The following DPYD variants were observed in gnomAD, a reference collection of about 807,000 sequenced individuals.
DPYD encodes the protein dihydropyrimidine dehydrogenase.
DPYD carries 109 observed loss-of-function variants against 116.2 expected under a neutral mutation model. The observed-to-expected ratio is 0.94, with a 90% CI of 0.80 to 1.10. The LOEUF (loss-of-function observed/expected upper bound fraction) is 1.10. Among genes scored for constraint, DPYD ranks in the 50% least tolerant of loss-of-function variants. The probability of loss-of-function intolerance (pLI) is 0.00; values close to 1 mark genes in which losing one functional copy is unlikely to be tolerated. For missense variants in DPYD, 1,302 were observed against 1,254.5 expected, an observed-to-expected ratio of 1.04 and a Z score of -0.57; for synonymous variants, 440 against 432.0, an observed-to-expected ratio of 1.02 and a Z score of -0.23.
chr1:97,908,318 T>C (rs961506520), intron 1 of DPYD, among the ~76,000 whole-genome samples: 24 of 151,984 alleles, frequency 1.6e-4, no homozygotes, highest in African/African-American at 5.1e-4. Flanking sequence ...AGTGCTGGGA[T>C]TACAGGCGTA....
rs1661819483 is a variant in DPYD at position 97,704,750 on chromosome 1, CCT to C, written c.484-5205_484-5204del. On this transcript the variant is annotated intron_variant, in intron 5 of 22. Coordinates refer to ENST00000370192, the MANE Select transcript of DPYD (RefSeq NM_000110.4). ...TTTGGCTCTTTCGGTGAGAAAGACC[CCT>C]CTTTTTTTCGTTAAAGCAAATGTCA... Among the ~76,000 whole-genome samples the C allele has an allele frequency of 2.0e-5, 3 of 151,800 alleles. No individual in the cohort carries two copies. The South Asian group carries it at 6.2e-4, about 32-fold the overall frequency.
intron 14 of DPYD, among the ~76,000 whole-genome samples, chr1:97,441,416 G>A (rs1234022727): frequency 5.3e-5 from 8 of 151,766 alleles, no homozygotes; most frequent in Non-Finnish European, 8.8e-5. Flanking sequence ...GTGTGTGTGC[G>A]TTTCATTTTG....
At chr1:97,473,522 G>C (rs1570792574) in intron 13 of DPYD, among the ~76,000 whole-genome samples, 1 of 152,092 alleles carries the variant, frequency 6.6e-6, no homozygotes, top group African/African-American at 2.4e-5. Context: ...GAGCCAAAAA[G>C]TATATGAAGA....
At chr1:97,121,663 C>T (rs965281494) in intron 20 of DPYD, among the ~76,000 whole-genome samples, 1 of 152,118 alleles carries the variant, frequency 6.6e-6, no homozygotes, top group Non-Finnish European at 1.5e-5. Flanking sequence ...TTGAACTCTA[C>T]AAGAGCTGAA....
intron 3 of DPYD, among the ~76,000 whole-genome samples, chr1:97,827,362 C>T (rs1309627316): frequency 1.3e-5 from 2 of 152,012 alleles, no homozygotes; most frequent in African/African-American, 4.8e-5. Context: ...CTCAAATATT[C>T]AAGCTCAGAA....
At chr1:97,889,686 G>T (rs1337430769) in intron 1 of DPYD, among the ~76,000 whole-genome samples, 1 of 151,956 alleles carries the variant, frequency 6.6e-6, no homozygotes, top group Non-Finnish European at 1.5e-5. Flanking sequence ...ACATTAAACA[G>T]TGGATAGAAC....
intron 1 of DPYD, among the ~76,000 whole-genome samples, chr1:97,902,957 A>C (rs1427392749): frequency 6.6e-6 from 1 of 151,866 alleles, no homozygotes; most frequent in East Asian, 1.9e-4. Context: ...CCTTCCTAAC[A>C]CTTAGACTTA....
At chr1:97,132,553 G>T (rs1356075644) in intron 20 of DPYD, among the ~76,000 whole-genome samples, 1 of 152,034 alleles carries the variant, frequency 6.6e-6, no homozygotes, top group Non-Finnish European at 1.5e-5. Flanking sequence ...ATGGAGAAAT[G>T]TAAACAACAA....
At chr1:97,516,004 C>A (rs2101977044) in intron 12 of DPYD, 63 bp from the exon 13 acceptor site, 1 of 1,471,766 alleles carries the variant, frequency 6.8e-7, no homozygotes, top group Non-Finnish European at 9.4e-7. Flanking sequence ...TAATATTTTA[C>A]CAAAAAAATC....
intron 14 of DPYD, among the ~76,000 whole-genome samples, chr1:97,398,494 T>C (rs1322419641): frequency 2.0e-5 from 3 of 152,098 alleles, no homozygotes; most frequent in African/African-American, 7.2e-5. Context: ...ATGGTATTTC[T>C]AGTTCTAGAT....
rs1557883306 is a variant in DPYD, at chr1:97,134,015, ATATATATATATAT to A, written c.2623-35396_2623-35384del. On this transcript the variant is annotated intron_variant, in intron 20 of 22. Transcript: ENST00000370192. The stretch of plus-strand genomic sequence containing the variant: ...CTCTGTTTCAAAAAAAAAAAAAAAA[ATATATATATATAT>A]ATATATATATATATATATATATATA... Among the ~76,000 whole-genome samples, 7 of 18,996 alleles carry A rather than the reference ATATATATATATAT, an allele frequency of 3.7e-4. 1 individual carries two copies. The highest frequency in any genetic ancestry group is 8.5e-4 in the Admixed American group (1 of 1,180). 12.5% of individuals were successfully genotyped at this position (18,996 alleles called of 152,430 possible).
intron 13 of DPYD, among the ~76,000 whole-genome samples, chr1:97,459,490 T>C (rs1418396811): frequency 2.6e-5 from 4 of 152,044 alleles, no homozygotes; most frequent in Non-Finnish European, 4.4e-5. Context: ...AGATACATTG[T>C]AGTATACAAG....
chr1:97,455,847 T>C (rs1676652953), intron 13 of DPYD, among the ~76,000 whole-genome samples: 1 of 151,938 alleles, frequency 6.6e-6, no homozygotes, highest in South Asian at 2.1e-4. Context: ...TCCCAATAAA[T>C]CATATTTTTC....
chr1:97,484,126 A>G (rs1051761529), intron 13 of DPYD, among the ~76,000 whole-genome samples: 8 of 152,076 alleles, frequency 5.3e-5, no homozygotes, highest in African/African-American at 1.4e-4. Context: ...CCAACATGGC[A>G]AAACCCCGTC....
At chr1:97,097,131 T>A (rs1318503706) in intron 21 of DPYD, among the ~76,000 whole-genome samples, 2 of 152,164 alleles carry the variant, frequency 1.3e-5, no homozygotes, top group African/African-American at 4.8e-5. Context: ...TAATTTAACA[T>A]GAACAACTCA....
intron 8 of DPYD, among the ~76,000 whole-genome samples, chr1:97,607,749 T>C (rs1253461698): frequency 6.6e-6 from 1 of 151,990 alleles, no homozygotes; most frequent in African/African-American, 2.4e-5. Context: ...GCTCAAACTT[T>C]CTTGTTATCA....
intron 16 of DPYD, among the ~76,000 whole-genome samples, chr1:97,326,858 T>C (rs925509332): frequency 2.0e-5 from 3 of 152,016 alleles, no homozygotes; most frequent in African/African-American, 4.8e-5. Flanking sequence ...AAAATACGTA[T>C]AAAACAAATA....
At chr1:97,838,717 C>G (rs1324508609) in intron 2 of DPYD, among the ~76,000 whole-genome samples, 1 of 152,030 alleles carries the variant, frequency 6.6e-6, no homozygotes, top group African/African-American at 2.4e-5. Context: ...CGGTGGCGGG[C>G]GCCTGTAGTC....
chr1:97,870,881 G>T (rs189922828), intron 2 of DPYD, among the ~76,000 whole-genome samples: 1 of 151,904 alleles, frequency 6.6e-6, no homozygotes, highest in South Asian at 2.1e-4. Context: ...AGCATTTTAC[G>T]TGGGTTCCAC....
Sources: gnomAD v4.1 joint callset for allele counts (sites outside exome capture counted in the v4.1 genomes callset) on GRCh38, gnomAD v4.1.1 for gene constraint, MANE v1.5 for transcripts, NCBI Gene and HGNC (gene_info 2026-07-23, HGNC 2026-07-21) for gene names.